The following TTLL10 variants were observed in gnomAD, a reference collection of about 807,000 sequenced individuals.
TTLL10 encodes inactive polyglycylase TTLL10.
In TTLL10, 61 loss-of-function variants were observed where a neutral mutation model predicts 69.0. That is an observed-to-expected ratio of 0.88 (90% CI 0.72 to 1.09). The LOEUF (loss-of-function observed/expected upper bound fraction) is 1.09, where lower values mean the gene tolerates loss of function less well. Ranked by LOEUF, TTLL10 falls within the 50% of genes least tolerant of loss-of-function variation. The pLI is 0.00. For synonymous variants in TTLL10, 408 were observed against 393.3 expected (o/e 1.04, Z -0.44); for missense variants, 962 against 945.9 (o/e 1.02, Z -0.22).
In TTLL10 at chr1:1,180,591, C is replaced by T; in HGVS notation, c.615C>T (p.Ser205=). The change falls in exon 7 of 16, where the codon AGC becomes AGT. Residue 205 remains serine, a synonymous_variant. Transcript: ENST00000379289. Reference sequence around the variant, plus strand: ...TCAAGAGCCGAGACAGCTACGGCAGCTTCCGGGAAGGTAGCGGGAGCCGGC... The same window carrying T: ...TCAAGAGCCGAGACAGCTACGGCAGTTTCCGGGAAGGTAGCGGGAGCCGGC... ...CEVKSRDSYG[S]FREGEQLLYQ... 1 of 1,551,682 alleles carries T rather than the reference C, an allele frequency of 6.4e-7. No homozygotes were observed. Among genetic ancestry groups the T allele is most frequent in the Non-Finnish European group, 8.7e-7 (1 of 1,147,294 alleles).
At position 1,185,791 on chromosome 1, in the gene TTLL10, G is replaced by A; in HGVS notation, c.1401+682G>A. 4 of 985,362 alleles carry A rather than the reference G, an allele frequency of 4.1e-6. No individual in the cohort carries two copies. The South Asian group carries it at 1.9e-4, about 46-fold the overall frequency. 61.0% of individuals were successfully genotyped at this position (985,362 alleles called of 1,614,324 possible). On this transcript the variant is annotated intron_variant, in intron 13 of 15. Coordinates refer to ENST00000379289, the MANE Select transcript of TTLL10 (RefSeq NM_001130045.2). This position sits in a 1 kb window ranked among gnomAD's most constrained non-coding sequence, Gnocchi z 6.1. Reference sequence around the variant, plus strand: ...ACGGCAGCGCTCAGAGGAGCCTCCAGTTACTTTCCTCACATCTCCCAAACT... The same window carrying A: ...ACGGCAGCGCTCAGAGGAGCCTCCAATTACTTTCCTCACATCTCCCAAACT...
intron 13 of TTLL10, among the ~76,000 whole-genome samples, chr1:1,188,707 A>G (rs1407902666): frequency 1.3e-5 from 2 of 152,174 alleles, no homozygotes; most frequent in East Asian, 3.8e-4. Flanking sequence ...ACCCAGCCTC[A>G]TCGAAATTTT....
chr1:1,189,356 T>G (rs1443413871), intron 13 of TTLL10, among the ~76,000 whole-genome samples: 8 of 152,242 alleles, frequency 5.3e-5, no homozygotes, highest in Admixed American at 4.6e-4. Flanking sequence ...TTTTTCTGTC[T>G]CCACTGAGAT....
At position 1,185,110 on chromosome 1, in the gene TTLL10, G is replaced by T. The variant is rs751580490; in HGVS notation, c.1401+1G>T. On this transcript the variant is annotated splice_donor_variant, in intron 13 of 15. Transcript: ENST00000379289. LOFTEE classifies it high-confidence loss of function. This position sits in a 1 kb window ranked among gnomAD's most constrained non-coding sequence, Gnocchi z 6.1. ...GGACTGGGTCTTCACCACCCTCAAG[G>T]TGCGTCCACTGTGCCCTCCAGTCTG... is the stretch of plus-strand genomic sequence containing the variant. 7.4e-6 allele frequency: 12 copies of T among 1,613,016 alleles called. No homozygotes were observed. In the East Asian group the frequency reaches 2.5e-4, roughly 33 times the overall value.
At position 1,190,802 on chromosome 1, in the gene TTLL10, T is replaced by G. The variant is rs140922799; in HGVS notation, c.1401+5693T>G. 1.1e-3 allele frequency among the ~76,000 whole-genome samples: 164 copies of G among 152,318 alleles called. 3 individuals carry two copies. The East Asian group carries it at 0.028, about 26-fold the overall frequency. Reference sequence around the variant, plus strand: ...ATTTTGCGTGTTGTCTTCATTTTCATTTGTCTCAAAGTATTTTTATTTTTA... The same window carrying G: ...ATTTTGCGTGTTGTCTTCATTTTCAGTTGTCTCAAAGTATTTTTATTTTTA... On this transcript the variant is annotated intron_variant, in intron 13 of 15. Transcript: ENST00000379289.
At position 1,185,120 on chromosome 1, in the gene TTLL10, T is replaced by A. The variant is rs1194551967; in HGVS notation, c.1401+11T>A. Reference sequence around the variant, plus strand: ...TTCACCACCCTCAAGGTGCGTCCACTGTGCCCTCCAGTCTGGGAGTGAGAT... The same window carrying A: ...TTCACCACCCTCAAGGTGCGTCCACAGTGCCCTCCAGTCTGGGAGTGAGAT... On this transcript the variant is annotated intron_variant, in intron 13 of 15. Coordinates refer to ENST00000379289, the MANE Select transcript of TTLL10 (RefSeq NM_001130045.2). This position sits in a 1 kb window ranked among gnomAD's most constrained non-coding sequence, Gnocchi z 6.1. 6.2e-7 allele frequency: 1 copy of A among 1,610,858 alleles called. No individual in the cohort carries two copies. Among genetic ancestry groups the A allele is most frequent in the Non-Finnish European group, 8.5e-7 (1 of 1,178,094 alleles).
chr1:1,196,632 T>G lies in TTLL10; in HGVS notation c.1434T>G (p.Phe478Leu). 1 of 1,551,794 alleles carries G rather than the reference T, an allele frequency of 6.4e-7. No homozygotes were observed. Among genetic ancestry groups the G allele is most frequent in the African/African-American group, 1.4e-5 (1 of 73,168 alleles). The change falls in exon 14 of 16, where the codon TTT becomes TTG. Residue 478 changes from phenylalanine to leucine, a missense_variant. Transcript: ENST00000379289. The part of the protein sequence containing the change: ...KRMQQIMAHC[F>L]LAAKPKLDCK... The stretch of plus-strand genomic sequence containing the variant: ...TGCAGCAGATCATGGCCCACTGCTT[T>G]CTGGCCGCCAAGCCCAAGCTGGACT...
chr1:1,195,924 G>A (rs1440108175), intron 13 of TTLL10, among the ~76,000 whole-genome samples: 1 of 151,620 alleles, frequency 6.6e-6, no homozygotes, highest in Non-Finnish European at 1.5e-5. Flanking sequence ...CTACAGGTGT[G>A]AGCCACGCGC....
chr1:1,182,994 C>T lies in TTLL10; in HGVS notation c.1035C>T (p.Asp345=). 1.9e-6 allele frequency: 3 copies of T among 1,609,886 alleles called. No individual in the cohort carries two copies. Among genetic ancestry groups the T allele is most frequent in the East Asian group, 2.2e-5 (1 of 44,738 alleles). ...CCAAGACCCGGAGCATGGAGGACGACCCCATCCACCACAAGACGCCGTTCC... is the reference window on the plus strand; with the variant it reads ...CCAAGACCCGGAGCATGGAGGACGATCCCATCCACCACAAGACGCCGTTCC... ...LQAKTRSMED[D]PIHHKTPFRG... is the part of the protein sequence containing the mutation. Residue 345 remains aspartate (D), a synonymous_variant, in exon 11 of 16, where the codon GAC becomes GAT. Transcript: ENST00000379289.
chr1:1,187,048 G>C (rs540769045), intron 13 of TTLL10, among the ~76,000 whole-genome samples: 142 of 151,390 alleles, frequency 9.4e-4, no homozygotes, highest in African/African-American at 3.4e-3. Context: ...GGGTTTCACC[G>C]TGTTAGCCAG....
At chr1:1,186,830 GT>G (rs1227884016) in intron 13 of TTLL10, among the ~76,000 whole-genome samples, 1 of 148,688 alleles carries the variant, frequency 6.7e-6, no homozygotes, top group Non-Finnish European at 1.5e-5. Flanking sequence ...AGTTGTGAAA[GT>G]TTTTTTTGTT....
chr1:1,185,280 G>T lies in TTLL10; in HGVS notation c.1401+171G>T. On this transcript the variant is annotated intron_variant, in intron 13 of 15. Coordinates refer to ENST00000379289, the MANE Select transcript of TTLL10 (RefSeq NM_001130045.2). This position sits in a 1 kb window ranked among gnomAD's most constrained non-coding sequence, Gnocchi z 6.1. ...TCCAGCGTCTCTGCTCACTTAGCTGGCAGTGCCTGTCCCCAGCAGCCAGCA... is the reference window on the plus strand; with the variant it reads ...TCCAGCGTCTCTGCTCACTTAGCTGTCAGTGCCTGTCCCCAGCAGCCAGCA... 7.1e-7 allele frequency: 1 copy of T among 1,416,664 alleles called. No homozygotes were observed. The allele number at this position is 1,416,664 out of a possible 1,614,324, so 87.8% of individuals were successfully genotyped here. A position where few individuals can be genotyped will look rare whatever the true frequency, so the allele number is the denominator to read the frequency against.
Position 1,182,360 on chromosome 1 carries a change from G to C in TTLL10, c.831-1G>C, listed in dbSNP as rs1271642918. Reference sequence around the variant, plus strand: ...CATCCTCCTGCCTCCCTGCCCTGCAGGGTCCTGAGAATGGAAGAGTTTTTC... The same window carrying C: ...CATCCTCCTGCCTCCCTGCCCTGCACGGTCCTGAGAATGGAAGAGTTTTTC... On this transcript the variant is annotated splice_acceptor_variant, in intron 9 of 15. Transcript: ENST00000379289. LOFTEE classifies it high-confidence loss of function. The C allele has an allele frequency of 6.2e-7, 1 of 1,613,758 alleles. No homozygotes were observed. Among genetic ancestry groups the C allele is most frequent in the African/African-American group, 1.3e-5 (1 of 75,048 alleles).
chr1:1,197,379 C>T (rs1167898048), intron 15 of TTLL10, 59 bp from the exon 16 acceptor site: 3 of 744,490 alleles, frequency 4.0e-6, no homozygotes, highest in South Asian at 3.5e-5. Context: ...ACACCCTCCC[C>T]ACCCCCTCCA....
rs770337140 is a variant in TTLL10, at chr1:1,180,067, A to C, written c.233A>C (p.Gln78Pro). ...CACGAGAGGCCAATGGGGAGCAGCC[A>C]GGAGGAGGGACTCCGGTGTCAGCCA... The part of the protein sequence containing the change: ...PAHERPMGSS[Q>P]EEGLRCQPSQ... Residue 78 changes from glutamine (Q) to proline (P), a missense_variant, in exon 6 of 16, where the codon CAG becomes CCG. By Grantham distance (76) the Gln-to-Pro change is moderately conservative. Transcript: ENST00000379289. 2 of 1,595,182 alleles carry C rather than the reference A, an allele frequency of 1.3e-6. No individual in the cohort carries two copies. The highest frequency in any genetic ancestry group is 1.7e-6 in the Non-Finnish European group (2 of 1,170,296).
At chr1:1,191,269 T>G (rs1220369775) in intron 13 of TTLL10, among the ~76,000 whole-genome samples, 1 of 152,246 alleles carries the variant, frequency 6.6e-6, no homozygotes, top group African/African-American at 2.4e-5. Flanking sequence ...GAGAACATAC[T>G]TTATAATTTC....
chr1:1,197,143 G>A lies in TTLL10; in HGVS notation c.1569G>A (p.Glu523=). The change falls in exon 15 of 16, where the codon GAG becomes GAA. Residue 523 remains glutamate, a synonymous_variant. Coordinates refer to ENST00000379289, the MANE Select transcript of TTLL10 (RefSeq NM_001130045.2). ...NSNPALHTNC[E]VLKEVIPGVV... ...ACCCAGCCCTGCACACCAACTGCGA[G>A]GTCCTGAAGGAGGTCATCCCAGGTG... The A allele has an allele frequency of 6.4e-7, 1 of 1,551,018 alleles. No individual in the cohort carries two copies. The highest frequency in any genetic ancestry group is 2.4e-5 in the East Asian group (1 of 40,916).
intron 13 of TTLL10, among the ~76,000 whole-genome samples, chr1:1,194,643 C>T (rs372666900): frequency 8.5e-5 from 13 of 152,338 alleles, no homozygotes; most frequent in African/African-American, 3.1e-4. Context: ...ATCCCACTGC[C>T]TGCCCACCTC....
intron 13 of TTLL10, among the ~76,000 whole-genome samples, chr1:1,186,755 T>G (rs1647353512): frequency 6.6e-6 from 1 of 152,198 alleles, no homozygotes; most frequent in Non-Finnish European, 1.5e-5. Context: ...ATGTGTTCAC[T>G]GGCCAGCTAT....
Sources: gnomAD v4.1 joint callset for allele counts (sites outside exome capture counted in the v4.1 genomes callset) on GRCh38, gnomAD v4.1.1 for gene constraint, Gnocchi (gnomAD v3.1) non-coding constraint, MANE v1.5 for transcripts, NCBI Gene and HGNC (gene_info 2026-07-23, HGNC 2026-07-21) for gene names.